Variants in HS1BP3 observed in about 807,000 individuals in gnomAD.
The protein encoded by HS1BP3 is HCLS1-binding protein 3.
A neutral mutation model predicts 33.5 loss-of-function variants in HS1BP3; 32 were observed. The ratio of observed to expected loss-of-function variants is 0.95; its 90% CI spans 0.72 to 1.28. The LOEUF is 1.28. HS1BP3 is among the 50% of genes most tolerant of loss of function. HS1BP3 has a pLI of 0.00. For synonymous variants in HS1BP3, 187 were observed against 209.2 expected, an observed-to-expected ratio of 0.89 and a Z score of 0.92; for missense variants, 486 against 502.3, an observed-to-expected ratio of 0.97 and a Z score of 0.31.
intron 4 of HS1BP3, among the ~76,000 whole-genome samples, chr2:20,631,839 A>G (rs1388627535): frequency 6.6e-6 from 1 of 152,102 alleles, no homozygotes; most frequent in African/African-American, 2.4e-5. Context: ...TTCTACAGCA[A>G]GCGCCCAGTA....
downstream of HS1BP3, among the ~76,000 whole-genome samples, chr2:20,558,582 C>T (rs1453012981): frequency 6.6e-6 from 1 of 152,194 alleles, no homozygotes; most frequent in Non-Finnish European, 1.5e-5. Context: ...AGGCACTGCG[C>T]TGGCACGAAG....
chr2:20,645,784 G>A (rs897339553), intron 1 of HS1BP3, among the ~76,000 whole-genome samples: 11 of 152,238 alleles, frequency 7.2e-5, no homozygotes, highest in African/African-American at 2.2e-4. Context: ...GGGGCTTGTT[G>A]AAAGGGATCG....
At chr2:20,640,913 C>A in intron 3 of HS1BP3, 60 bp downstream of exon 3, 2 of 1,536,280 alleles carry the variant, frequency 1.3e-6, no homozygotes, top group Non-Finnish European at 1.8e-6. Context: ...TGGGGCACGG[C>A]AGCGGGGCCT....
chr2:20,576,669 G>A (rs1216671510), intron 5 of HS1BP3, among the ~76,000 whole-genome samples: 3 of 152,230 alleles, frequency 2.0e-5, no homozygotes, highest in Non-Finnish European at 4.4e-5. Flanking sequence ...GAAGTTCTGA[G>A]AGAGACGGAG....
In HS1BP3 at chr2:20,580,284, C is replaced by T. The variant is rs148819459; in HGVS notation, c.303-19769G>A. ...CTGTAATCCTAGCACTTTGGGAGGCCGAGGCGGGTGGATTGCCTCAGCTCA... is the reference window on the plus strand; with the variant it reads ...CTGTAATCCTAGCACTTTGGGAGGCTGAGGCGGGTGGATTGCCTCAGCTCA... On this transcript the variant is annotated intron_variant, in intron 5 of 5. Transcript: ENST00000446825. Among the ~76,000 whole-genome samples the T allele has an allele frequency of 3.0e-3, 455 of 152,300 alleles. 3 individuals are homozygous for T. Among genetic ancestry groups the T allele is most frequent in the African/African-American group, 0.01 (417 of 41,580 alleles).
At chr2:20,625,988 T>C (rs368036831) in intron 4 of HS1BP3, among the ~76,000 whole-genome samples, 62 of 152,320 alleles carry the variant, frequency 4.1e-4, no homozygotes, top group African/African-American at 1.4e-3. Context: ...AATGAGAATA[T>C]GCTCTTTACT....
chr2:20,647,540 G>T (rs192767642), intron 1 of HS1BP3, among the ~76,000 whole-genome samples: 1 of 152,284 alleles, frequency 6.6e-6, no homozygotes, highest in East Asian at 1.9e-4. Context: ...GATCAGCATC[G>T]CCTGGGAACT....
At position 20,622,277 on chromosome 2, in the gene HS1BP3, C is replaced by G. The variant is rs1017401218; in HGVS notation, c.920+1619G>C. 9.2e-6 allele frequency: 12 copies of G among 1,304,680 alleles called. No homozygotes were observed. The South Asian group carries it at 1.4e-4, about 15-fold the overall frequency. The allele number at this position is 1,304,680 out of a possible 1,614,324, so 80.8% of individuals were successfully genotyped here. ...ACAAAGAATGAATGTGGTTCCTGCT[C>G]TCAAGAAGCTAATCCCAGTGTTACG... On this transcript the variant is annotated intron_variant, in intron 6 of 6. Coordinates refer to ENST00000304031, the MANE Select transcript of HS1BP3 (RefSeq NM_022460.4).
At chr2:20,580,278 G>A (rs1036588532) in intron 5 of HS1BP3, among the ~76,000 whole-genome samples, 11 of 152,244 alleles carry the variant, frequency 7.2e-5, no homozygotes, top group African/African-American at 2.7e-4. Flanking sequence ...TAGCACTTTG[G>A]GAGGCCGAGG....
chr2:20,634,672 GT>G (rs1695067225), intron 4 of HS1BP3: 1 of 152,264 alleles, frequency 6.6e-6, no homozygotes, highest in African/African-American at 2.4e-5. Flanking sequence ...ACCTGGCAAT[GT>G]GCCAGGAGCA....
intron 6 of HS1BP3, among the ~76,000 whole-genome samples, chr2:20,621,141 C>T (rs744663): frequency 0.3 from 45,584 of 152,182 alleles, 7,225 homozygotes; most frequent in Non-Finnish European, 0.37. Flanking sequence ...GGGGCAGGGC[C>T]GGGCAGGGGT....
At chr2:20,572,211 C>G (rs1289254690) in intron 5 of HS1BP3, among the ~76,000 whole-genome samples, 2 of 152,220 alleles carry the variant, frequency 1.3e-5, no homozygotes, top group African/African-American at 4.8e-5. Flanking sequence ...CTGCCAACCC[C>G]TCATGTAGTT....
chr2:20,565,405 A>G (rs1179518400), intron 5 of HS1BP3, among the ~76,000 whole-genome samples: 1 of 152,052 alleles, frequency 6.6e-6, no homozygotes, highest in Non-Finnish European at 1.5e-5. Flanking sequence ...CAGCCTAGGG[A>G]CCACTCTGAA....
intron 5 of HS1BP3, among the ~76,000 whole-genome samples, chr2:20,567,718 G>T (rs1023097648): frequency 6.6e-6 from 1 of 152,204 alleles, no homozygotes; most frequent in Admixed American, 6.5e-5. Flanking sequence ...CTGACCGCAG[G>T]CTAGAAAGGT....
Position 20,641,096 on chromosome 2 carries a change from T to C in HS1BP3, c.283A>G (p.Arg95Gly). The change falls in exon 3 of 7, where the codon AGG becomes GGG. Residue 95 changes from arginine to glycine, a missense_variant. Physicochemically the swap from Arg to Gly is moderately radical, Grantham distance 125 (BLOSUM62 -2). Coordinates refer to ENST00000304031, the MANE Select transcript of HS1BP3 (RefSeq NM_022460.4). The stretch of plus-strand genomic sequence containing the variant: ...GACTCCCCAACAAACAGGACCTTCC[T>C]GGGTAGTGGGGGGAGGCTGGCTGCT... Reference protein sequence around the residue: ...YAAASLPPLPRKVLFVGESDI... With the variant: ...YAAASLPPLPGKVLFVGESDI... The C allele has an allele frequency of 1.2e-6, 2 of 1,613,866 alleles. No homozygotes were observed. Among genetic ancestry groups the C allele is most frequent in the Non-Finnish European group, 1.7e-6 (2 of 1,180,012 alleles).
chr2:20,589,099 C>T (rs1693750200), downstream of HS1BP3, among the ~76,000 whole-genome samples: 1 of 152,242 alleles, frequency 6.6e-6, no homozygotes, highest in South Asian at 2.1e-4. Flanking sequence ...CAGCCTTAGC[C>T]TTGCCCTGGG....
chr2:20,582,458 AG>A (rs1693557164), intron 5 of HS1BP3, among the ~76,000 whole-genome samples: 1 of 136,070 alleles, frequency 7.3e-6, no homozygotes, highest in Non-Finnish European at 1.6e-5. Context: ...TAAGTGAGGG[AG>A]GGGTGGGGGT....
chr2:20,560,009 G>A (rs957855466), downstream of HS1BP3, among the ~76,000 whole-genome samples: 1 of 152,256 alleles, frequency 6.6e-6, no homozygotes, highest in East Asian at 1.9e-4. Context: ...CAGGTGACCT[G>A]TTTCTAAGTC....
intron 2 of HS1BP3, among the ~76,000 whole-genome samples, chr2:20,609,551 G>A (rs1030184110): frequency 6.6e-6 from 1 of 152,200 alleles, no homozygotes; most frequent in African/African-American, 2.4e-5. Flanking sequence ...AGGAGGGAAG[G>A]CTGGGCTGAG....
Sources: allele counts gnomAD v4.1 joint callset (sites outside exome capture counted in the v4.1 genomes callset), GRCh38; gene constraint gnomAD v4.1.1; transcripts MANE v1.5; gene names NCBI Gene and HGNC (gene_info 2026-07-23, HGNC 2026-07-21).